Variants in TMEM255A observed in about 807,000 individuals in gnomAD.
The protein encoded by TMEM255A is family with sequence similarity 70, member A.
A neutral mutation model predicts 23.5 loss-of-function variants in TMEM255A; 14 were observed. That is an observed-to-expected ratio of 0.60 (90% CI 0.39 to 0.93). The LOEUF is 0.93. Among genes scored for constraint, TMEM255A ranks in the 40% least tolerant of loss-of-function variants. The probability of loss-of-function intolerance (pLI) is 0.00; values close to 1 mark genes in which losing one functional copy is unlikely to be tolerated. For synonymous variants in TMEM255A, 104 were observed against 100.3 expected (o/e 1.04, Z -0.22); for missense variants, 233 against 261.7 (o/e 0.89, Z 0.76).
chrX:120,265,119 G>A (rs1489370245), intron 8 of TMEM255A, among the ~76,000 whole-genome samples: 5 of 111,231 alleles, frequency 4.5e-5, no homozygotes, highest in Admixed American at 9.5e-5. Flanking sequence ...TCAGGTGATC[G>A]CCCGCCTTGG....
At position 120,287,238 on chromosome X, in the gene TMEM255A, C is replaced by A. The variant is rs1556022016; in HGVS notation, c.355-16G>T. The A allele has an allele frequency of 8.4e-7, 1 of 1,192,945 alleles. No individual in the cohort carries two copies. Among genetic ancestry groups the A allele is most frequent in the African/African-American group, 1.8e-5 (1 of 55,562 alleles). ...GTTTCAGATCCTGAAAAGGGAAACACCAAAACAAAGGGGTTTTGACTTTGG... is the reference window on the plus strand; with the variant it reads ...GTTTCAGATCCTGAAAAGGGAAACAACAAAACAAAGGGGTTTTGACTTTGG... On this transcript the variant is annotated splice_polypyrimidine_tract_variant and intron_variant, in intron 4 of 8. Coordinates refer to ENST00000371369, the MANE Select transcript of TMEM255A (RefSeq NM_001104544.3).
chrX:120,293,708 T>C (rs1044331750), intron 3 of TMEM255A, among the ~76,000 whole-genome samples: 5 of 111,919 alleles, frequency 4.5e-5, no homozygotes, highest in African/African-American at 1.6e-4. Context: ...GAGCACTCCT[T>C]TGGGAGTAAG....
intron 8 of TMEM255A, among the ~76,000 whole-genome samples, chrX:120,262,346 GAC>G (rs1293387078): frequency 1.8e-5 from 2 of 111,409 alleles, no homozygotes; most frequent in Non-Finnish European, 3.8e-5. Context: ...CCTTGCTTGA[GAC>G]ACAGAAAAAT....
At chrX:120,310,165 G>A (rs1556027977) in intron 1 of TMEM255A, 1 of 111,891 alleles carries the variant, frequency 8.9e-6, no homozygotes, top group East Asian at 2.8e-4. Flanking sequence ...TGTAAAGTAT[G>A]TTGGAAAGAG....
At position 120,287,308 on chromosome X, in the gene TMEM255A, TAC is replaced by T. The variant is rs3842485; in HGVS notation, c.355-88_355-87del. 3,791 of 462,655 alleles carry T rather than the reference TAC, an allele frequency of 8.2e-3. 91 individuals carry two copies. The African/African-American group carries it at 0.085, about 10-fold the overall frequency. The allele number at this position is 462,655 out of a possible 1,213,427, so 38.1% of individuals were successfully genotyped here. The stretch of plus-strand genomic sequence containing the variant: ...TGTACTTGGTAATAAAAGGTTTGAA[TAC>T]ACACACACACACACACACACACACA... On this transcript the variant is annotated intron_variant, in intron 4 of 8. Transcript: ENST00000371369.
rs2057804862 is a variant in TMEM255A at position 120,277,158 on chromosome X, T to A, written c.513-111A>T. On this transcript the variant is annotated intron_variant, in intron 6 of 8. Transcript: ENST00000371369. ...CCATACAGCTCAGTGAAAAGACAGG[T>A]GGGCAGGTGGGGAGCTACAGTAAGA... The A allele has an allele frequency of 3.4e-5, 20 of 594,344 alleles. 1 individual carries two copies. In the Admixed American group the frequency reaches 6.1e-4, roughly 18 times the overall value. 49.0% of individuals were successfully genotyped at this position (594,344 alleles called of 1,213,427 possible). A position where few individuals can be genotyped will look rare whatever the true frequency, so the allele number is the denominator to read the frequency against.
At chrX:120,252,057 C>G in the TMEM255A span, among the ~76,000 whole-genome samples, 1 of 112,208 alleles carries the variant, frequency 8.9e-6, no homozygotes, top group African/African-American at 3.2e-5. Context: ...CCTGGAATTC[C>G]TTGGTACTGT....
chrX:120,297,348 G>T (rs1394842679), intron 2 of TMEM255A, among the ~76,000 whole-genome samples: 2 of 100,288 alleles, frequency 2.0e-5, no homozygotes, highest in African/African-American at 7.3e-5. Context: ...ATTTGCATAA[G>T]GTAGGCTGCT....
chrX:120,253,551 C>T, the TMEM255A span: 2 of 1,210,592 alleles, frequency 1.7e-6, no homozygotes, highest in Non-Finnish European at 2.2e-6. Flanking sequence ...ATTCCGGGCT[C>T]ACAAGAATAT....
At chrX:120,302,177 T>A (rs1360323611) in intron 2 of TMEM255A, among the ~76,000 whole-genome samples, 1 of 111,055 alleles carries the variant, frequency 9.0e-6, no homozygotes, top group Non-Finnish European at 1.9e-5. Flanking sequence ...TAGCTGAACA[T>A]CAGGTACTTG....
chrX:120,294,938 A>T lies in TMEM255A; in HGVS notation c.202-887T>A, dbSNP rs782210610. 6.3e-5 allele frequency among the ~76,000 whole-genome samples: 7 copies of T among 111,588 alleles called. No homozygotes were observed. The South Asian group carries it at 2.2e-3, about 36-fold the overall frequency. On this transcript the variant is annotated intron_variant, in intron 2 of 8. Transcript: ENST00000371369. ...CTGCAATTTATGTTAGCACTTATTC[A>T]CCCCTTCTTCCATCCCTGCTTCATT...
At chrX:120,284,029 T>G (rs1325726394) in intron 6 of TMEM255A, among the ~76,000 whole-genome samples, 1 of 111,684 alleles carries the variant, frequency 9.0e-6, no homozygotes, top group Non-Finnish European at 1.9e-5. Flanking sequence ...TCTTTTGGTT[T>G]GTCTCCTGAT....
At chrX:120,275,413 G>A (rs1026881783) in intron 7 of TMEM255A, among the ~76,000 whole-genome samples, 3 of 111,762 alleles carry the variant, frequency 2.7e-5, no homozygotes, top group Non-Finnish European at 5.6e-5. Context: ...AATCCAAAAC[G>A]ACAGAGTTTC....
intron 7 of TMEM255A, among the ~76,000 whole-genome samples, chrX:120,272,131 TG>T (rs1309323645): frequency 9.0e-6 from 1 of 111,725 alleles, no homozygotes; most frequent in Admixed American, 9.4e-5. Context: ...AAGCTCAGTG[TG>T]GGGCCCAAGA....
At chrX:120,272,837 G>T (rs190527335) in intron 7 of TMEM255A, among the ~76,000 whole-genome samples, 2 of 107,959 alleles carry the variant, frequency 1.9e-5, no homozygotes, top group East Asian at 5.8e-4. Flanking sequence ...CACCTCCCAG[G>T]TTCAAGTGAT....
chrX:120,282,929 C>G (rs1468878266), intron 6 of TMEM255A, among the ~76,000 whole-genome samples: 6 of 110,862 alleles, frequency 5.4e-5, no homozygotes, highest in African/African-American at 2.0e-4. Flanking sequence ...GATCTCAGGC[C>G]CAGTTCTGGC....
At chrX:120,283,133 C>T (rs1213840624) in intron 6 of TMEM255A, among the ~76,000 whole-genome samples, 4 of 110,936 alleles carry the variant, frequency 3.6e-5, no homozygotes, top group African/African-American at 6.6e-5. Flanking sequence ...CCCTAGGACC[C>T]GTGTTACATT....
At position 120,268,310 on chromosome X, in the gene TMEM255A, C is replaced by G. The variant is rs1556017967; in HGVS notation, c.753G>C (p.Val251=). 3 of 1,207,370 alleles carry G rather than the reference C, an allele frequency of 2.5e-6. No individual in the cohort carries two copies. In the Admixed American group the frequency reaches 6.6e-5, roughly 26 times the overall value. The change falls in exon 8 of 9, where the codon GTG becomes GTC. Residue 251 remains valine (V), a synonymous_variant. Coordinates refer to ENST00000371369, the MANE Select transcript of TMEM255A (RefSeq NM_001104544.3). ...PTVSYYAHPQ[V]ASYNTYYHSP... Reference sequence around the variant, plus strand: ...TATGGTAGTAGGTATTGTAGGATGCCACTTGGGGATGAGCATAGTAAGAAA... The same window carrying G: ...TATGGTAGTAGGTATTGTAGGATGCGACTTGGGGATGAGCATAGTAAGAAA...
chrX:120,303,896 C>T (rs1266746981), intron 2 of TMEM255A, among the ~76,000 whole-genome samples: 1 of 111,246 alleles, frequency 9.0e-6, no homozygotes, highest in Admixed American at 9.6e-5. Context: ...AGGAACATAT[C>T]TTCCACAGCT....
Sources: allele counts gnomAD v4.1 joint callset (sites outside exome capture counted in the v4.1 genomes callset), GRCh38; gene constraint gnomAD v4.1.1; transcripts MANE v1.5; gene names NCBI Gene and HGNC (gene_info 2026-07-23, HGNC 2026-07-21).